Variants in ZNF704 observed in about 807,000 individuals in gnomAD.
ZNF704 encodes the protein zinc finger protein 704.
A neutral mutation model predicts 44.7 loss-of-function variants in ZNF704; 10 were observed. That is an observed-to-expected ratio of 0.22 (90% CI 0.14 to 0.38). The LOEUF (loss-of-function observed/expected upper bound fraction) is 0.38. Among genes scored for constraint, ZNF704 ranks in the 10% least tolerant of loss-of-function variants. The pLI, the probability that ZNF704 is intolerant of heterozygous loss-of-function variation, is 1.00. For missense variants in ZNF704, 390 were observed against 545.5 expected (o/e 0.71, Z 2.84); for synonymous variants, 211 against 207.6 (o/e 1.02, Z -0.14).
chr8:80,783,916 G>T (rs1052673212), intron 2 of ZNF704, among the ~76,000 whole-genome samples: 2 of 152,082 alleles, frequency 1.3e-5, no homozygotes, highest in African/African-American at 4.8e-5. Flanking sequence ...GGCAACCACT[G>T]ATCTTTTTAC....
intron 2 of ZNF704, among the ~76,000 whole-genome samples, chr8:80,778,958 C>T (rs1807464038): frequency 6.6e-6 from 1 of 151,930 alleles, no homozygotes; most frequent in Non-Finnish European, 1.5e-5. Flanking sequence ...ACCCTGGTGA[C>T]ACAAGTTTAC....
intron 2 of ZNF704, among the ~76,000 whole-genome samples, chr8:80,777,581 A>G (rs1409280111): frequency 1.3e-5 from 2 of 152,122 alleles, no homozygotes; most frequent in Non-Finnish European, 2.9e-5. Context: ...CCTGAATCAT[A>G]TGAAAGTAAC....
At chr8:80,840,491 A>G (rs1473306461) in intron 1 of ZNF704, among the ~76,000 whole-genome samples, 1 of 152,246 alleles carries the variant, frequency 6.6e-6, no homozygotes, top group Non-Finnish European at 1.5e-5. Context: ...AGTAGTAACA[A>G]TCATAATAAT....
chr8:80,797,635 C>G (rs1041270625), intron 2 of ZNF704, among the ~76,000 whole-genome samples: 6 of 152,072 alleles, frequency 3.9e-5, no homozygotes, highest in Non-Finnish European at 8.8e-5. Flanking sequence ...TGCAAGGACC[C>G]TGGGCAGGAA....
intron 2 of ZNF704, among the ~76,000 whole-genome samples, chr8:80,721,278 TAGA>T (rs1354552320): frequency 6.6e-6 from 1 of 152,034 alleles, no homozygotes; most frequent in Non-Finnish European, 1.5e-5. Flanking sequence ...TTTAAGGAAA[TAGA>T]GGAGAGAGCT....
intron 1 of ZNF704, among the ~76,000 whole-genome samples, chr8:80,858,702 C>A (rs1384456083): frequency 2.2e-4 from 33 of 151,634 alleles, no homozygotes; most frequent in Non-Finnish European, 2.9e-5. Context: ...AAACAAAAAA[C>A]AAACAAAACA....
upstream of ZNF704, among the ~76,000 whole-genome samples, chr8:80,878,253 AAAGGAAGGAAGGAAGG>A (rs746307538): frequency 0.045 from 6,347 of 140,120 alleles, 205 homozygotes; most frequent in Admixed American, 0.098. Context: ...AAAGAGAAAG[AAAGGAAGGAAGGAAGG>A]AAGGAAGGAA....
rs1318271866 is a variant in ZNF704, at chr8:80,874,321, TCCGCCGCCG to T, written c.-22+241_-22+249del. 1.7e-3 allele frequency among the ~76,000 whole-genome samples: 238 copies of T among 143,804 alleles called. No individual in the cohort carries two copies. Among genetic ancestry groups the T allele is most frequent in the Middle Eastern group, 0.012 (3 of 258 alleles). 94.3% of individuals were successfully genotyped at this position (143,804 alleles called of 152,430 possible). On this transcript the variant is annotated intron_variant, in intron 1 of 8. Transcript: ENST00000327835. This position sits in a 1 kb window ranked among gnomAD's most constrained non-coding sequence, Gnocchi z 4.4. ...TGTGAGCGAGCGGCGCGCTGCCGCCTCCGCCGCCGCCGCCGCCGCCCGGGAGCCGCGGGC... is the reference window on the plus strand; with the variant it reads ...TGTGAGCGAGCGGCGCGCTGCCGCCTCCGCCGCCGCCCGGGAGCCGCGGGC...
chr8:80,708,930 G>A (rs183425478), intron 2 of ZNF704, among the ~76,000 whole-genome samples: 1 of 151,898 alleles, frequency 6.6e-6, no homozygotes, highest in Admixed American at 6.6e-5. Flanking sequence ...ATGATAAGGA[G>A]TTAGCAAGCA....
intron 2 of ZNF704, among the ~76,000 whole-genome samples, chr8:80,808,109 A>T (rs1363604103): frequency 2.0e-5 from 3 of 152,240 alleles, no homozygotes; most frequent in Non-Finnish European, 4.4e-5. Flanking sequence ...GTAAGTCCAA[A>T]GACTTCCTTA....
At chr8:80,706,796 C>G (rs1818905279) in intron 2 of ZNF704, among the ~76,000 whole-genome samples, 1 of 152,196 alleles carries the variant, frequency 6.6e-6, no homozygotes, top group Non-Finnish European at 1.5e-5. Context: ...TTTATTTCAC[C>G]TTCAGCCTGT....
chr8:80,824,920 G>A (rs922646951), intron 1 of ZNF704, among the ~76,000 whole-genome samples: 2 of 152,122 alleles, frequency 1.3e-5, no homozygotes, highest in African/African-American at 4.8e-5. Flanking sequence ...AGCTCCTGAA[G>A]GAAGCACTAA....
intron 1 of ZNF704, among the ~76,000 whole-genome samples, chr8:80,848,867 GCA>G (rs1359073579): frequency 6.6e-6 from 1 of 151,996 alleles, no homozygotes; most frequent in Admixed American, 6.6e-5. Flanking sequence ...ATCAATAAAG[GCA>G]CAAGCAGTAA....
chr8:80,787,639 C>T (rs535475330), intron 2 of ZNF704, among the ~76,000 whole-genome samples: 3 of 152,032 alleles, frequency 2.0e-5, no homozygotes, highest in Non-Finnish European at 2.9e-5. Flanking sequence ...AACAGTGAGG[C>T]GAGTTTTTAT....
intron 2 of ZNF704, among the ~76,000 whole-genome samples, chr8:80,731,767 A>G (rs1261466516): frequency 6.6e-6 from 1 of 152,144 alleles, no homozygotes; most frequent in African/African-American, 2.4e-5. Context: ...ATCTCTAGAA[A>G]AAAACAAACA....
intron 1 of ZNF704, among the ~76,000 whole-genome samples, chr8:80,833,333 A>G (rs983975249): frequency 6.6e-6 from 1 of 152,210 alleles, no homozygotes; most frequent in Non-Finnish European, 1.5e-5. Context: ...CTGGCGACAG[A>G]GCAAGACTCC....
chr8:80,748,410 T>G (rs1806883331), intron 2 of ZNF704, among the ~76,000 whole-genome samples: 1 of 152,180 alleles, frequency 6.6e-6, no homozygotes, highest in African/African-American at 2.4e-5. Context: ...AGGAGGCAGC[T>G]ACCTGGTGCC....
chr8:80,735,566 T>C (rs778530541), intron 2 of ZNF704, among the ~76,000 whole-genome samples: 9 of 152,340 alleles, frequency 5.9e-5, no homozygotes, highest in East Asian at 1.9e-4. Context: ...AGGAGTTTCA[T>C]TGGACAGCGA....
intron 4 of ZNF704, among the ~76,000 whole-genome samples, chr8:80,673,996 T>C (rs77384337): frequency 0.013 from 2,036 of 152,326 alleles, 44 homozygotes; most frequent in African/African-American, 0.047. Flanking sequence ...CATGATGTTC[T>C]ACCTGCAGTG....
Sources: gnomAD v4.1 joint callset for allele counts (sites outside exome capture counted in the v4.1 genomes callset) on GRCh38, gnomAD v4.1.1 for gene constraint, Gnocchi (gnomAD v3.1) non-coding constraint, MANE v1.5 for transcripts, NCBI Gene and HGNC (gene_info 2026-07-23, HGNC 2026-07-21) for gene names.